Variants in LIMCH1 observed in about 807,000 individuals in gnomAD.
LIMCH1 encodes LIM and calponin homology domains-containing protein 1.
In LIMCH1, 113 loss-of-function variants were observed where a neutral mutation model predicts 176.5. That is an observed-to-expected ratio of 0.64 (90% confidence interval 0.55 to 0.75). The LOEUF (loss-of-function observed/expected upper bound fraction) is 0.75. LIMCH1 is among the 30% of genes least tolerant of loss of function. LIMCH1 has a pLI of 0.00. For missense variants in LIMCH1, 1,674 were observed against 1,814.9 expected (o/e 0.92, Z 1.41); for synonymous variants, 619 against 645.9 (o/e 0.96, Z 0.63).
At chr4:41,549,514 T>C (rs1343295563) in intron 1 of LIMCH1, among the ~76,000 whole-genome samples, 3 of 152,172 alleles carry the variant, frequency 2.0e-5, no homozygotes, top group Admixed American at 6.5e-5. Context: ...TTTTTTTCTT[T>C]TTCTCTCTAC....
intron 1 of LIMCH1, among the ~76,000 whole-genome samples, chr4:41,460,209 T>G (rs943972068): frequency 6.6e-6 from 1 of 152,004 alleles, no homozygotes; most frequent in Admixed American, 6.6e-5. Flanking sequence ...CTATTTAACT[T>G]TAAATTGAAA....
chr4:41,445,677 C>T (rs954970035), intron 1 of LIMCH1, among the ~76,000 whole-genome samples: 18 of 152,258 alleles, frequency 1.2e-4, no homozygotes, highest in African/African-American at 3.1e-4. Context: ...TATCTTTCCA[C>T]GATACTTTCA....
intron 1 of LIMCH1, among the ~76,000 whole-genome samples, chr4:41,471,835 A>C (rs2067000182): frequency 6.6e-6 from 1 of 152,054 alleles, no homozygotes. Flanking sequence ...AACTTCCTTT[A>C]GCTCTGCACA....
At chr4:41,462,727 A>C (rs1263468565) in intron 1 of LIMCH1, among the ~76,000 whole-genome samples, 3 of 152,202 alleles carry the variant, frequency 2.0e-5, no homozygotes, top group African/African-American at 7.2e-5. Flanking sequence ...TTAACATTGG[A>C]GTAAATACCA....
rs761288240 is a variant in LIMCH1, at chr4:41,685,797, A to C, written c.4055A>C (p.Asn1352Thr). The C allele has an allele frequency of 6.2e-7, 1 of 1,613,390 alleles. No individual in the cohort carries two copies. Among genetic ancestry groups the C allele is most frequent in the Non-Finnish European group, 8.5e-7 (1 of 1,179,624 alleles). ...ACCCTCCCGCTGGATAAAAGCATTA[A>C]CCATCAGATCGAGTCTCCCAGTGAA... ...PKTLPLDKSI[N>T]HQIESPSERR... The change falls in exon 28 of 32, where the codon AAC (asparagine) becomes ACC (threonine). Residue 1352 changes from asparagine (N) to threonine (T), a missense_variant. Physicochemically the swap from Asn to Thr is moderately conservative, Grantham distance 65. Coordinates refer to ENST00000503057, the MANE Select transcript of LIMCH1 (RefSeq NM_001330672.2).
At chr4:41,491,964 G>A (rs1395830632) in intron 1 of LIMCH1, among the ~76,000 whole-genome samples, 3 of 152,122 alleles carry the variant, frequency 2.0e-5, no homozygotes, top group Non-Finnish European at 2.9e-5. Context: ...GACGATGGGC[G>A]GCCAGGCAGA....
Position 41,692,444 on chromosome 4 carries a change from C to T in LIMCH1, c.4378+60C>T, listed in dbSNP as rs183879317. On this transcript the variant is annotated intron_variant, in intron 31 of 31. Transcript: ENST00000503057. ...GTGTAATCGTATGTCTTCCATAGGA[C>T]CCAATTTAGGAATTCAAATATTTTT... The T allele has an allele frequency of 1.1e-3, 1,188 of 1,053,576 alleles. 12 individuals carry two copies. In the African/African-American group the frequency reaches 0.015, roughly 13 times the overall value. The allele number at this position is 1,053,576 out of a possible 1,614,324, so 65.3% of individuals were successfully genotyped here. A position where few individuals can be genotyped will look rare whatever the true frequency, so the allele number is the denominator to read the frequency against.
At chr4:41,552,783 T>C (rs1270528712) in intron 1 of LIMCH1, among the ~76,000 whole-genome samples, 3 of 152,176 alleles carry the variant, frequency 2.0e-5, no homozygotes, top group African/African-American at 4.8e-5. Context: ...TATGTCCTTA[T>C]TACTATTTGA....
At chr4:41,375,598 C>T (rs1384617097) in intron 1 of LIMCH1, among the ~76,000 whole-genome samples, 2 of 152,104 alleles carry the variant, frequency 1.3e-5, no homozygotes, top group Non-Finnish European at 2.9e-5. Flanking sequence ...TTTTTTGGAG[C>T]CTGAAGCCTA....
chr4:41,680,899 T>C, intron 24 of LIMCH1, 56 bp from the exon 25 acceptor site: 1 of 996,796 alleles, frequency 1.0e-6, no homozygotes, highest in East Asian at 2.4e-5. Context: ...ATTTTTGTCT[T>C]GACAAATATG....
intron 5 of LIMCH1, among the ~76,000 whole-genome samples, chr4:41,618,044 A>G (rs1052382119): frequency 5.9e-5 from 9 of 152,346 alleles, no homozygotes; most frequent in African/African-American, 9.6e-5. Context: ...GAGCAGCAGA[A>G]CTCAAAAGGA....
intron 1 of LIMCH1, among the ~76,000 whole-genome samples, chr4:41,577,636 C>T (rs2084712333): frequency 6.6e-6 from 1 of 152,086 alleles, no homozygotes; most frequent in Non-Finnish European, 1.5e-5. Context: ...CCCTATGTTG[C>T]TCAGGCTGTC....
chr4:41,541,707 ATT>A (rs1561683657), intron 1 of LIMCH1, among the ~76,000 whole-genome samples: 1 of 152,158 alleles, frequency 6.6e-6, no homozygotes, highest in Admixed American at 6.5e-5. Context: ...GTAAGCAGTC[ATT>A]TCTTCCACAG....
chr4:41,560,100 C>T (rs1353170563), intron 1 of LIMCH1, among the ~76,000 whole-genome samples: 2 of 152,174 alleles, frequency 1.3e-5, no homozygotes, highest in Non-Finnish European at 2.9e-5. Flanking sequence ...GTTCCTCCAT[C>T]TGCATTCCTT....
intron 14 of LIMCH1, among the ~76,000 whole-genome samples, chr4:41,641,401 G>A (rs1170299492): frequency 6.6e-6 from 1 of 151,272 alleles, no homozygotes; most frequent in South Asian, 2.1e-4. Context: ...TTTGAAAATG[G>A]CATAAATATA....
rs535829712 is a variant in LIMCH1, at chr4:41,433,095, C to T, written c.97-61441C>T. Reference sequence around the variant, plus strand: ...CACATTCTCTTAACATGAGGGAAATCCTTGCATGCTAATTGGAGAAGGAAA... The same window carrying T: ...CACATTCTCTTAACATGAGGGAAATTCTTGCATGCTAATTGGAGAAGGAAA... On this transcript the variant is annotated intron_variant, in intron 1 of 26. Coordinates refer to the LIMCH1 transcript ENST00000313860. 2.9e-4 allele frequency among the ~76,000 whole-genome samples: 44 copies of T among 152,290 alleles called. No individual in the cohort carries two copies. In the South Asian group the frequency reaches 8.7e-3, roughly 30 times the overall value.
At chr4:41,597,696 C>T (rs2089160787) in intron 1 of LIMCH1, among the ~76,000 whole-genome samples, 1 of 152,170 alleles carries the variant, frequency 6.6e-6, no homozygotes, top group Non-Finnish European at 1.5e-5. Flanking sequence ...GAATTCTGAC[C>T]TCACCTTCTA....
chr4:41,501,068 G>A (rs796853964), intron 2 of LIMCH1, among the ~76,000 whole-genome samples: 27 of 152,236 alleles, frequency 1.8e-4, no homozygotes, highest in African/African-American at 5.1e-4. Context: ...TGGGGGCTCC[G>A]GGTGAGGTCA....
Position 41,620,638 on chromosome 4 carries a change from A to G in LIMCH1, c.673A>G (p.Arg225Gly), listed in dbSNP as rs1184507959. 2 of 1,536,178 alleles carry G rather than the reference A, an allele frequency of 1.3e-6. No individual in the cohort carries two copies. The highest frequency in any genetic ancestry group is 4.9e-5 in the East Asian group (2 of 40,920). Residue 225 changes from arginine (R) to glycine (G), a missense_variant, in exon 7 of 32, where the codon AGG becomes GGG. By Grantham distance (125) the Arg-to-Gly change is moderately radical. Transcript: ENST00000503057. ...KDAAEIQKRK[R>G]LEQAGIKVMP... ...TGCTGCTGAGATCCAAAAGCGCAAA[A>G]GGCTAGAGCAAGCTGGAATCAAGGT...
Sources: gnomAD v4.1 joint callset for allele counts (sites outside exome capture counted in the v4.1 genomes callset) on GRCh38, gnomAD v4.1.1 for gene constraint, MANE v1.5 for transcripts, NCBI Gene and HGNC (gene_info 2026-07-23, HGNC 2026-07-21) for gene names.